The following FAM171A1 variants were observed in gnomAD, a reference collection of about 807,000 sequenced individuals.
FAM171A1 encodes the protein family with sequence similarity 171 member A1.
FAM171A1 carries 23 observed loss-of-function variants against 74.9 expected under a neutral mutation model. The observed-to-expected ratio is 0.31, with a 90% CI of 0.22 to 0.44. The LOEUF (loss-of-function observed/expected upper bound fraction) is 0.44, where lower values mean the gene tolerates loss of function less well. FAM171A1 is among the 20% of genes least tolerant of loss of function. FAM171A1 has a pLI of 1.00. For missense variants in FAM171A1, 1,162 were observed against 1,159.2 expected (o/e 1.00, Z -0.03); for synonymous variants, 527 against 505.7 (o/e 1.04, Z -0.57).
At chr10:15,348,299 A>G (rs1337137978) in intron 1 of FAM171A1, among the ~76,000 whole-genome samples, 4 of 150,124 alleles carry the variant, frequency 2.7e-5, no homozygotes, top group Non-Finnish European at 5.9e-5. Flanking sequence ...TTTTCTAGGT[A>G]GCCTTTTTTT....
intron 1 of FAM171A1, among the ~76,000 whole-genome samples, chr10:15,353,530 T>C (rs1835901468): frequency 6.6e-6 from 1 of 152,176 alleles, no homozygotes; most frequent in African/African-American, 2.4e-5. Context: ...AGGAACATTA[T>C]CTCATGAGCA....
At chr10:15,222,544 T>C (rs150334598) in intron 5 of FAM171A1, among the ~76,000 whole-genome samples, 1 of 152,376 alleles carries the variant, frequency 6.6e-6, no homozygotes, top group Non-Finnish European at 1.5e-5. Context: ...TACATGTAGT[T>C]CATCGTTGAC....
chr10:15,264,372 T>C (rs1834709904), intron 3 of FAM171A1, among the ~76,000 whole-genome samples: 1 of 152,130 alleles, frequency 6.6e-6, no homozygotes, highest in South Asian at 2.1e-4. Context: ...CCGGGCATAG[T>C]GGCTTGCATG....
chr10:15,295,849 G>A (rs570195496), intron 1 of FAM171A1, among the ~76,000 whole-genome samples: 12 of 152,326 alleles, frequency 7.9e-5, no homozygotes, highest in African/African-American at 2.4e-4. Context: ...TTAGCACCAT[G>A]ATTAGCTACA....
chr10:15,231,140 C>G (rs1287163381), intron 5 of FAM171A1, among the ~76,000 whole-genome samples: 1 of 152,182 alleles, frequency 6.6e-6, no homozygotes. Context: ...CTTGTTGACA[C>G]AGAGATCTTG....
rs139729036 is a variant in FAM171A1, at chr10:15,277,199, C to A, written c.326-1252G>T. The stretch of plus-strand genomic sequence containing the variant: ...TTAGTAATTTATTTAAGCTTCAAAA[C>A]AGCTCTATCACTTAGGCATTATTAT... On this transcript the variant is annotated intron_variant, in intron 2 of 7. Transcript: ENST00000378116. 2.8e-3 allele frequency among the ~76,000 whole-genome samples: 427 copies of A among 152,234 alleles called. 2 individuals are homozygous for A. The highest frequency in any genetic ancestry group is 9.9e-3 in the African/African-American group (410 of 41,536).
intron 1 of FAM171A1, among the ~76,000 whole-genome samples, chr10:15,312,024 G>A (rs758302395): frequency 2.6e-5 from 4 of 152,284 alleles, no homozygotes; most frequent in African/African-American, 7.2e-5. Context: ...AAGCTGACTC[G>A]GAGAAGGTGA....
chr10:15,239,609 TCATTTTAACC>T (rs1834338375), intron 5 of FAM171A1, among the ~76,000 whole-genome samples: 1 of 152,142 alleles, frequency 6.6e-6, no homozygotes. Flanking sequence ...GGCTACAAAT[TCATTTTAACC>T]CATTCCCCTC....
intron 6 of FAM171A1, among the ~76,000 whole-genome samples, chr10:15,219,325 C>T (rs1834006704): frequency 1.3e-5 from 2 of 152,092 alleles, no homozygotes; most frequent in African/African-American, 4.8e-5. Context: ...CCAAAACACA[C>T]ACACACAAAA....
chr10:15,274,374 C>T (rs373685196), intron 3 of FAM171A1, among the ~76,000 whole-genome samples: 78 of 152,122 alleles, frequency 5.1e-4, no homozygotes, highest in Non-Finnish European at 9.9e-4. Flanking sequence ...CACTGCTCAA[C>T]GAAATAAAAG....
chr10:15,235,333 C>G (rs1834273198), intron 5 of FAM171A1, among the ~76,000 whole-genome samples: 1 of 141,314 alleles, frequency 7.1e-6, no homozygotes, highest in Non-Finnish European at 1.5e-5. Context: ...AAAAAAACCT[C>G]TGATATCCAG....
chr10:15,370,547 G>A (rs879728003), intron 1 of FAM171A1, among the ~76,000 whole-genome samples: 1 of 152,138 alleles, frequency 6.6e-6, no homozygotes, highest in Non-Finnish European at 1.5e-5. Flanking sequence ...GCCCGGCGTG[G>A]GGAGCCGGGA....
intron 1 of FAM171A1, among the ~76,000 whole-genome samples, chr10:15,350,632 C>A (rs532885498): frequency 3.4e-5 from 5 of 148,298 alleles, no homozygotes; most frequent in African/African-American, 1.2e-4. Flanking sequence ...TGAGCCACTG[C>A]GCCCAGCCAA....
intron 2 of FAM171A1, among the ~76,000 whole-genome samples, chr10:15,282,891 C>A (rs1032144518): frequency 9.2e-5 from 14 of 152,104 alleles, no homozygotes; most frequent in African/African-American, 2.9e-4. Flanking sequence ...CTGTCCTCCA[C>A]CCTCTGCTGG....
chr10:15,252,198 C>T (rs1407132770), intron 4 of FAM171A1, among the ~76,000 whole-genome samples: 1 of 152,088 alleles, frequency 6.6e-6, no homozygotes, highest in Admixed American at 6.6e-5. Flanking sequence ...CGATGCTCTC[C>T]GGTGAGAGGA....
rs7896319 is a variant in FAM171A1 at position 15,370,026 on chromosome 10, C to T, written c.97+930G>A. 4.0e-3 allele frequency among the ~76,000 whole-genome samples: 607 copies of T among 152,212 alleles called. 7 individuals carry two copies. Among genetic ancestry groups the T allele is most frequent in the African/African-American group, 0.014 (565 of 41,528 alleles). On this transcript the variant is annotated intron_variant, in intron 1 of 7. Coordinates refer to ENST00000378116, the MANE Select transcript of FAM171A1 (RefSeq NM_001010924.2). Reference sequence around the variant, plus strand: ...TGAAAACGCCAGCAACAGAGGAGTCCTCGACGCTGTCCCCACAAAAATGTG... The same window carrying T: ...TGAAAACGCCAGCAACAGAGGAGTCTTCGACGCTGTCCCCACAAAAATGTG...
At chr10:15,225,598 G>A (rs571920356) in intron 5 of FAM171A1, among the ~76,000 whole-genome samples, 1 of 152,324 alleles carries the variant, frequency 6.6e-6, no homozygotes, top group African/African-American at 2.4e-5. Context: ...CACCACCGGA[G>A]CAGCGGGCAC....
chr10:15,338,823 C>T (rs959008473), intron 1 of FAM171A1, among the ~76,000 whole-genome samples: 31 of 152,190 alleles, frequency 2.0e-4, no homozygotes, highest in African/African-American at 7.0e-4. Flanking sequence ...ATCCTGCAAC[C>T]TCCACCTCCC....
At chr10:15,259,538 T>C (rs1834629306) in intron 3 of FAM171A1, among the ~76,000 whole-genome samples, 1 of 152,212 alleles carries the variant, frequency 6.6e-6, no homozygotes, top group Admixed American at 6.5e-5. Context: ...ATCAGTGCTT[T>C]AGAATTTACA....
Sources: allele counts gnomAD v4.1 joint callset (sites outside exome capture counted in the v4.1 genomes callset), GRCh38; gene constraint gnomAD v4.1.1; transcripts MANE v1.5; gene names NCBI Gene and HGNC (gene_info 2026-07-23, HGNC 2026-07-21).